KAZN: variants seen among roughly 807,000 people sequenced by gnomAD.
KAZN encodes the protein kazrin.
A neutral mutation model predicts 87.4 loss-of-function variants in KAZN; 40 were observed. That is an observed-to-expected ratio of 0.46 (90% CI 0.36 to 0.60). The LOEUF is 0.60. Among genes scored for constraint, KAZN ranks in the 20% least tolerant of loss-of-function variants. The pLI is 0.00. For missense variants in KAZN, 898 were observed against 1,073.9 expected (o/e 0.84, Z 2.29); for synonymous variants, 466 against 458.3 (o/e 1.02, Z -0.22).
intron 1 of KAZN, among the ~76,000 whole-genome samples, chr1:14,875,963 T>A (rs1467411737): frequency 1.3e-5 from 2 of 152,214 alleles, no homozygotes; most frequent in Admixed American, 6.5e-5. Context: ...ACTTTCACAG[T>A]TGACACCCCC....
chr1:13,966,331 G>T (rs1448488307), intron 1 of KAZN, among the ~76,000 whole-genome samples: 2 of 152,218 alleles, frequency 1.3e-5, no homozygotes, highest in Non-Finnish European at 2.9e-5. Context: ...GCAAGTGGGG[G>T]CGCCTTTTGG....
At chr1:14,112,889 G>A (rs1644530348) in intron 1 of KAZN, among the ~76,000 whole-genome samples, 1 of 152,218 alleles carries the variant, frequency 6.6e-6, no homozygotes, top group South Asian at 2.1e-4. Flanking sequence ...CACATAGAAA[G>A]CTCTAGATAA....
intron 2 of KAZN, among the ~76,000 whole-genome samples, chr1:14,420,651 G>T (rs534680154): frequency 6.6e-6 from 1 of 152,250 alleles, no homozygotes; most frequent in African/African-American, 2.4e-5. Context: ...CTGCCATGCC[G>T]GGAGGCAGTT....
chr1:14,154,286 C>A lies in KAZN; in HGVS notation c.92-26149C>A, dbSNP rs147026474. On this transcript the variant is annotated intron_variant, in intron 1 of 16. Transcript: ENST00000636203. Reference sequence around the variant, plus strand: ...ATAAATGGGATTTTTAAAAAAAATTCTTTTTCAGATTGTTCACTGTAGGCA... The same window carrying A: ...ATAAATGGGATTTTTAAAAAAAATTATTTTTCAGATTGTTCACTGTAGGCA... 5.3e-5 allele frequency among the ~76,000 whole-genome samples: 8 copies of A among 152,100 alleles called. 1 individual carries two copies. Among genetic ancestry groups the A allele is most frequent in the Admixed American group, 1.3e-4 (2 of 15,270 alleles).
chr1:15,016,438 A>G (rs1451458350), intron 2 of KAZN, among the ~76,000 whole-genome samples: 1 of 152,050 alleles, frequency 6.6e-6, no homozygotes, highest in East Asian at 1.9e-4. Context: ...GGCGCATGCC[A>G]CCGTGCCCGG....
intron 1 of KAZN, among the ~76,000 whole-genome samples, chr1:14,775,325 G>A (rs1227635154): frequency 1.3e-5 from 2 of 152,250 alleles, no homozygotes; most frequent in African/African-American, 2.4e-5. Context: ...GGCAGTCACT[G>A]TGCTAAGGGT....
intron 2 of KAZN, among the ~76,000 whole-genome samples, chr1:14,461,068 TTTGGAGCC>T (rs1667826020): frequency 6.6e-6 from 1 of 152,110 alleles, no homozygotes; most frequent in African/African-American, 2.4e-5. Context: ...GGCTATAAGT[TTTGGAGCC>T]TTGTGAAATT....
intron 1 of KAZN, among the ~76,000 whole-genome samples, chr1:14,802,649 A>G (rs116075916): frequency 0.02 from 2,991 of 152,292 alleles, 50 homozygotes; most frequent in African/African-American, 0.048. Context: ...TTCCACGATC[A>G]GGGGGTTGCT....
chr1:14,931,001 G>C (rs940102271), intron 1 of KAZN, among the ~76,000 whole-genome samples: 11 of 152,316 alleles, frequency 7.2e-5, no homozygotes, highest in African/African-American at 2.4e-4. Context: ...AGAATGCAGA[G>C]CCCTGAGAGG....
intron 2 of KAZN, among the ~76,000 whole-genome samples, chr1:15,005,791 CAA>C (rs36037344): frequency 6.9e-6 from 1 of 145,662 alleles, no homozygotes; most frequent in African/African-American, 2.5e-5. Flanking sequence ...ACTCCGTCTC[CAA>C]AAAAAAAAAA....
intron 1 of KAZN, among the ~76,000 whole-genome samples, chr1:14,886,810 A>G (rs1301542421): frequency 6.6e-6 from 1 of 152,100 alleles, no homozygotes. Context: ...AAAAATAAAC[A>G]TGCATATGTC....
chr1:14,870,401 G>C (rs1652008113), intron 1 of KAZN, among the ~76,000 whole-genome samples: 1 of 152,188 alleles, frequency 6.6e-6, no homozygotes, highest in South Asian at 2.1e-4. Context: ...GGAGTGCAAT[G>C]GCACAATCTT....
At chr1:14,956,460 G>T (rs1480752312) in intron 1 of KAZN, among the ~76,000 whole-genome samples, 1 of 151,936 alleles carries the variant, frequency 6.6e-6, no homozygotes, top group Non-Finnish European at 1.5e-5. Flanking sequence ...AATTACCCAG[G>T]CGTGGTGGCG....
At chr1:14,598,187 C>T (rs1293483493), upstream of KAZN, among the ~76,000 whole-genome samples, 1 of 152,138 alleles carries the variant, frequency 6.6e-6, no homozygotes, top group South Asian at 2.1e-4. This position sits in a 1 kb window ranked among gnomAD's most constrained non-coding sequence, Gnocchi z 4.2. Context: ...GTCTGGCCTG[C>T]GGGTGGGGGG....
chr1:14,894,596 C>T (rs911561752), intron 1 of KAZN, among the ~76,000 whole-genome samples: 9 of 152,236 alleles, frequency 5.9e-5, no homozygotes, highest in African/African-American at 1.4e-4. Flanking sequence ...GGAGCCTTCC[C>T]GGCCTCTCAG....
At chr1:13,957,688 G>A (rs1570385538) in intron 1 of KAZN, among the ~76,000 whole-genome samples, 1 of 152,114 alleles carries the variant, frequency 6.6e-6, no homozygotes, top group African/African-American at 2.4e-5. Flanking sequence ...GGTGGGGATG[G>A]GTGAGATGTG....
chr1:14,735,208 C>T lies in KAZN; in HGVS notation c.226+135985C>T, dbSNP rs565861895. On this transcript the variant is annotated intron_variant, in intron 1 of 14. Transcript: ENST00000376030. This position sits in a 1 kb window ranked among gnomAD's most constrained non-coding sequence, Gnocchi z 4.3. ...AGGAGCAGCTGGGACTACAGGCACCCGCCACCATGCCCGGCTAATTTTTTT... is the reference window on the plus strand; with the variant it reads ...AGGAGCAGCTGGGACTACAGGCACCTGCCACCATGCCCGGCTAATTTTTTT... 1.2e-3 allele frequency among the ~76,000 whole-genome samples: 186 copies of T among 152,258 alleles called. No individual in the cohort carries two copies. The highest frequency in any genetic ancestry group is 3.0e-3 in the Admixed American group (46 of 15,298).
intron 2 of KAZN, among the ~76,000 whole-genome samples, chr1:14,305,037 C>T (rs1179535375): frequency 6.6e-6 from 1 of 151,860 alleles, no homozygotes; most frequent in Non-Finnish European, 1.5e-5. Context: ...CAACTTGTCT[C>T]CTCTGCTTTT....
intron 1 of KAZN, among the ~76,000 whole-genome samples, chr1:13,943,518 G>A (rs1292852719): frequency 6.6e-6 from 1 of 151,476 alleles, no homozygotes; most frequent in East Asian, 1.9e-4. Flanking sequence ...AGGACACAAA[G>A]CTTAAATAAA....
Sources: allele counts gnomAD v4.1 joint callset (sites outside exome capture counted in the v4.1 genomes callset), GRCh38; gene constraint gnomAD v4.1.1; non-coding constraint Gnocchi (gnomAD v3.1); transcripts MANE v1.5; gene names NCBI Gene and HGNC (gene_info 2026-07-23, HGNC 2026-07-21).